The following CPAP variants were observed in gnomAD, a reference collection of about 807,000 sequenced individuals.
The protein encoded by CPAP is centrosomal P4.1-associated protein.
chr13:24,923,101 C>T, the CPAP span, among the ~76,000 whole-genome samples: 4 of 152,346 alleles, frequency 2.6e-5, no homozygotes, highest in South Asian at 6.2e-4. Flanking sequence ...TGGTGGACGT[C>T]GCCCCAGGCT....
At chr13:24,883,197 G>T in the CPAP span, 11 of 1,613,930 alleles carry the variant, frequency 6.8e-6, no homozygotes, top group Admixed American at 1.8e-4. Context: ...GTGTCCATTA[G>T]CACATTACCC....
the CPAP span, among the ~76,000 whole-genome samples, chr13:24,891,484 A>C: frequency 6.6e-6 from 1 of 152,008 alleles, no homozygotes; most frequent in East Asian, 1.9e-4. Context: ...GGTTGCTCCT[A>C]GTCAGTGGGA....
chr13:24,901,616 G>A, the CPAP span, among the ~76,000 whole-genome samples: 2 of 152,208 alleles, frequency 1.3e-5, no homozygotes, highest in African/African-American at 4.8e-5. Context: ...ATTAGTCACA[G>A]TGGCATTCAT....
chr13:24,888,945 T>C, the CPAP span, among the ~76,000 whole-genome samples: 3 of 152,186 alleles, frequency 2.0e-5, no homozygotes, highest in Non-Finnish European at 4.4e-5. Context: ...CATTTTTTTT[T>C]CAAGTTTTGG....
chr13:24,920,006 A>C, the CPAP span, among the ~76,000 whole-genome samples: 4 of 152,050 alleles, frequency 2.6e-5, no homozygotes, highest in Non-Finnish European at 4.4e-5. Context: ...TCCTAGGCTC[A>C]AGCCATCCTC....
chr13:24,908,077 T>G, the CPAP span: 1 of 1,613,246 alleles, frequency 6.2e-7, no homozygotes. Flanking sequence ...TCTTATCATT[T>G]GCTTCCTGAA....
At chr13:24,929,202 CA>C in the CPAP span, among the ~76,000 whole-genome samples, 2 of 152,218 alleles carry the variant, frequency 1.3e-5, no homozygotes, top group South Asian at 4.2e-4. Context: ...AAGCTGGGAC[CA>C]CAGGCATGTG....
the CPAP span, chr13:24,905,383 A>G: frequency 1.9e-6 from 3 of 1,614,142 alleles, no homozygotes; most frequent in East Asian, 4.5e-5. Flanking sequence ...ACTTGAGTTC[A>G]TTTCCCAAGT....
chr13:24,933,426 C>G, the CPAP span: 1 of 244,384 alleles, frequency 4.1e-6, no homozygotes, highest in Non-Finnish European at 8.1e-6. Flanking sequence ...TCAGACCAGT[C>G]AAATCTATTC....
chr13:24,893,099 C>A, the CPAP span, among the ~76,000 whole-genome samples: 1 of 152,042 alleles, frequency 6.6e-6, no homozygotes, highest in East Asian at 1.9e-4. Flanking sequence ...GAAAGGAAGG[C>A]AGACAGCACA....
At chr13:24,892,536 C>G in the CPAP span, 1 of 875,764 alleles carries the variant, frequency 1.1e-6, no homozygotes, top group Non-Finnish European at 1.9e-6. Flanking sequence ...CCCACTGCCC[C>G]CCCAGCCCCT....
the CPAP span, chr13:24,906,448 T>C: frequency 6.2e-7 from 1 of 1,614,212 alleles, no homozygotes. Flanking sequence ...TGGCCGGCCC[T>C]GTTGAAAGAG....
chr13:24,908,398 A>AG, the CPAP span, among the ~76,000 whole-genome samples: 1 of 133,474 alleles, frequency 7.5e-6, no homozygotes, highest in East Asian at 2.3e-4. Context: ...CAGGAATTCG[A>AG]GCCCAGCCTG....
chr13:24,906,655 C>T, the CPAP span: 1 of 1,614,146 alleles, frequency 6.2e-7, no homozygotes, highest in Non-Finnish European at 8.5e-7. Flanking sequence ...TGTTACTACA[C>T]TTCAGCATTT....
chr13:24,904,847 G>A, the CPAP span, among the ~76,000 whole-genome samples: 17 of 152,240 alleles, frequency 1.1e-4, no homozygotes, highest in Non-Finnish European at 2.2e-4. Flanking sequence ...ATCTTTCAGG[G>A]TGAGTTTAAA....
the CPAP span, chr13:24,906,104 C>T: frequency 1.1e-5 from 17 of 1,612,440 alleles, no homozygotes; most frequent in East Asian, 6.7e-5. Flanking sequence ...CTCCTTCTCA[C>T]GTGCAGTGTG....
the CPAP span, chr13:24,913,230 G>T: frequency 3.2e-5 from 18 of 558,692 alleles, no homozygotes; most frequent in Middle Eastern, 4.7e-4. Flanking sequence ...AAAGCAATTG[G>T]GCATTGAGCT....
the CPAP span, among the ~76,000 whole-genome samples, chr13:24,915,508 A>G: frequency 6.6e-6 from 1 of 152,180 alleles, no homozygotes; most frequent in African/African-American, 2.4e-5. Flanking sequence ...AGGGTAGTCA[A>G]AAAGAGAGGA....
At chr13:24,906,077 G>A in the CPAP span, 1 of 1,613,246 alleles carries the variant, frequency 6.2e-7, no homozygotes, top group Non-Finnish European at 8.5e-7. Flanking sequence ...TTGTTTGGGT[G>A]CGACTTCACA....
Sources: gnomAD v4.1 joint callset for allele counts (sites outside exome capture counted in the v4.1 genomes callset) on GRCh38, gnomAD v4.1.1 for gene constraint, MANE v1.5 for transcripts, NCBI Gene and HGNC (gene_info 2026-07-23, HGNC 2026-07-21) for gene names.